CTNNA3: variants seen among roughly 807,000 people sequenced by gnomAD.
The protein encoded by CTNNA3 is catenin alpha-3.
CTNNA3 carries 76 observed loss-of-function variants against 95.7 expected under a neutral mutation model. The ratio of observed to expected loss-of-function variants is 0.79; its 90% CI spans 0.66 to 0.96. CTNNA3 has a LOEUF of 0.96. CTNNA3 is among the 40% of genes least tolerant of loss of function. The pLI, the probability that CTNNA3 is intolerant of heterozygous loss-of-function variation, is 0.00. For synonymous variants in CTNNA3, 431 were observed against 374.4 expected (o/e 1.15, Z -1.74); for missense variants, 1,191 against 1,089.8 (o/e 1.09, Z -1.31).
intron 9 of CTNNA3, among the ~76,000 whole-genome samples, chr10:66,759,154 T>C (rs187178652): frequency 2.0e-5 from 3 of 152,294 alleles, no homozygotes; most frequent in South Asian, 4.1e-4. Context: ...CAGAGCTATC[T>C]GAAGATTCAG....
chr10:67,661,636 C>G (rs1564816459), intron 1 of CTNNA3, among the ~76,000 whole-genome samples: 1 of 151,808 alleles, frequency 6.6e-6, no homozygotes, highest in Non-Finnish European at 1.5e-5. Context: ...CTACATATGA[C>G]AAAGGTCTTG....
At chr10:66,263,297 A>T (rs1047331770) in intron 13 of CTNNA3, among the ~76,000 whole-genome samples, 1 of 152,020 alleles carries the variant, frequency 6.6e-6, no homozygotes, top group Non-Finnish European at 1.5e-5. Flanking sequence ...GCAGATATTC[A>T]TAAGGATATA....
intron 4 of CTNNA3, among the ~76,000 whole-genome samples, chr10:67,529,673 A>G (rs1384082168): frequency 6.6e-6 from 1 of 150,686 alleles, no homozygotes; most frequent in Non-Finnish European, 1.5e-5. Flanking sequence ...AAAATAAAAT[A>G]AAATAAAATT....
intron 5 of CTNNA3, among the ~76,000 whole-genome samples, chr10:67,483,186 A>G (rs1231913937): frequency 2.6e-5 from 4 of 151,886 alleles, no homozygotes; most frequent in African/African-American, 9.7e-5. Flanking sequence ...AAACTAGTTC[A>G]ACCACTGTGG....
intron 3 of CTNNA3, among the ~76,000 whole-genome samples, chr10:67,539,871 A>G (rs930852683): frequency 3.9e-5 from 6 of 152,322 alleles, no homozygotes; most frequent in Middle Eastern, 3.4e-3. Context: ...ATTAAGAAGC[A>G]TAATATCATT....
intron 7 of CTNNA3, among the ~76,000 whole-genome samples, chr10:66,925,130 G>A (rs74141737): frequency 0.026 from 3,906 of 152,216 alleles, 101 homozygotes; most frequent in African/African-American, 0.07. Flanking sequence ...GGATCATCTA[G>A]TGGTTAGTGG....
intron 5 of CTNNA3, among the ~76,000 whole-genome samples, chr10:67,502,441 T>TG (rs922108163): frequency 6.6e-6 from 1 of 152,144 alleles, no homozygotes; most frequent in Non-Finnish European, 1.5e-5. Flanking sequence ...TCAGGAGGCA[T>TG]GGGGGTCAGG....
At chr10:66,194,275 T>G (rs980449906) in intron 13 of CTNNA3, among the ~76,000 whole-genome samples, 4 of 152,144 alleles carry the variant, frequency 2.6e-5, no homozygotes, top group African/African-American at 9.7e-5. Flanking sequence ...TGTGCCCAAA[T>G]GGATAGATTT....
At chr10:67,125,898 C>A (rs932216153) in intron 7 of CTNNA3, among the ~76,000 whole-genome samples, 1 of 152,112 alleles carries the variant, frequency 6.6e-6, no homozygotes, top group African/African-American at 2.4e-5. Flanking sequence ...CTAGAAAAAA[C>A]TGGCTATTGA....
intron 5 of CTNNA3, among the ~76,000 whole-genome samples, chr10:67,368,550 A>G (rs545855384): frequency 1.3e-5 from 2 of 152,360 alleles, no homozygotes; most frequent in African/African-American, 4.8e-5. Flanking sequence ...TTACACAAAA[A>G]CTTAAATACA....
At chr10:67,386,321 T>C (rs574155698) in intron 5 of CTNNA3, among the ~76,000 whole-genome samples, 24 of 152,338 alleles carry the variant, frequency 1.6e-4, no homozygotes, top group South Asian at 1.0e-3. Context: ...TGTTTTCAAC[T>C]ACTTGGAATT....
intron 6 of CTNNA3, among the ~76,000 whole-genome samples, chr10:67,195,650 A>G (rs1473527570): frequency 6.6e-6 from 1 of 152,030 alleles, no homozygotes; most frequent in Non-Finnish European, 1.5e-5. Flanking sequence ...GAACACTCCA[A>G]TATACCATAC....
chr10:67,308,286 G>T (rs142646347), intron 5 of CTNNA3, among the ~76,000 whole-genome samples: 1 of 152,054 alleles, frequency 6.6e-6, no homozygotes, highest in African/African-American at 2.4e-5. Context: ...GGAGGGACCC[G>T]GGGGGGAAGT....
intron 8 of CTNNA3, among the ~76,000 whole-genome samples, chr10:66,771,902 CAGG>C (rs1203536052): frequency 6.6e-6 from 1 of 151,866 alleles, no homozygotes; most frequent in East Asian, 1.9e-4. Flanking sequence ...GTAAGTGTTC[CAGG>C]AAGAAAAAGG....
intron 9 of CTNNA3, among the ~76,000 whole-genome samples, chr10:66,662,083 A>G (rs1338768935): frequency 6.6e-6 from 1 of 152,196 alleles, no homozygotes; most frequent in Admixed American, 6.5e-5. Flanking sequence ...AACTTTAGAA[A>G]CTAGAAAACA....
rs759642999 is a variant in CTNNA3, at chr10:66,520,721, T to C, written c.1427A>G (p.Lys476Arg). 1.2e-6 allele frequency: 2 copies of C among 1,612,944 alleles called. No homozygotes were observed. Among genetic ancestry groups the C allele is most frequent in the South Asian group, 1.1e-5 (1 of 90,970 alleles). The change falls in exon 11 of 18, where the codon AAA (lysine) becomes AGA (arginine). Residue 476 changes from lysine (K) to arginine (R), a missense_variant. Transcript: ENST00000433211. Reference sequence around the variant, plus strand: ...ACGCTTGTACATTTCCATGGTGTTTTTGACCGCTTGACTTTTGGGTCTTGC... The same window carrying C: ...ACGCTTGTACATTTCCATGGTGTTTCTGACCGCTTGACTTTTGGGTCTTGC... Reference protein sequence around the residue: ...LAARPKSQAVKNTMEMYKRTW... With the variant: ...LAARPKSQAVRNTMEMYKRTW...
intron 7 of CTNNA3, among the ~76,000 whole-genome samples, chr10:67,020,520 T>C (rs77893833): frequency 0.018 from 2,779 of 152,286 alleles, 87 homozygotes; most frequent in African/African-American, 0.062. Context: ...AGTTTCACAA[T>C]AGTCTTAAGT....
chr10:67,661,820 A>G (rs778996153), intron 1 of CTNNA3, among the ~76,000 whole-genome samples: 23 of 152,228 alleles, frequency 1.5e-4, no homozygotes, highest in Admixed American at 2.0e-4. Flanking sequence ...AATGCAAATT[A>G]AAGCCAAAAT....
chr10:66,514,541 CT>C (rs1344407324), intron 11 of CTNNA3, among the ~76,000 whole-genome samples: 1 of 152,130 alleles, frequency 6.6e-6, no homozygotes, highest in African/African-American at 2.4e-5. Flanking sequence ...AGTGGTCAAT[CT>C]CTTTTTCAGA....
Sources: allele counts gnomAD v4.1 joint callset (sites outside exome capture counted in the v4.1 genomes callset), GRCh38; gene constraint gnomAD v4.1.1; transcripts MANE v1.5; gene names NCBI Gene and HGNC (gene_info 2026-07-23, HGNC 2026-07-21).